Variants in HDHD5 observed in about 807,000 individuals in gnomAD.
HDHD5 encodes the protein haloacid dehalogenase like hydrolase domain containing 5.
Under a neutral mutation model 35.5 loss-of-function variants are expected in HDHD5, and 34 were observed. That is an observed-to-expected ratio of 0.96 (90% CI 0.73 to 1.28). The LOEUF (loss-of-function observed/expected upper bound fraction) is 1.28, where lower values mean the gene tolerates loss of function less well. Ranked by LOEUF, HDHD5 falls within the 50% of genes most tolerant of loss-of-function variation. The probability of loss-of-function intolerance (pLI) is 0.00; values close to 1 mark genes in which losing one functional copy is unlikely to be tolerated. For synonymous variants in HDHD5, 248 were observed against 240.6 expected, an observed-to-expected ratio of 1.03 and a Z score of -0.29; for missense variants, 589 against 560.2, an observed-to-expected ratio of 1.05 and a Z score of -0.52.
In HDHD5 at chr22:17,157,053, G is replaced by A. The variant is rs1030197986; in HGVS notation, c.126+2073C>T. ...AGATGGCGCCACTGCACTCCAGCCC[G>A]GGCAACAGAGCTAGACACCGTCTCA... On this transcript the variant is annotated intron_variant, in intron 1 of 7. Coordinates refer to ENST00000336737, the MANE Select transcript of HDHD5 (RefSeq NM_033070.3). Among the ~76,000 whole-genome samples the A allele has an allele frequency of 3.6e-5, 5 of 140,000 alleles. No homozygotes were observed. The East Asian group carries it at 8.3e-4, about 23-fold the overall frequency. 91.8% of individuals were successfully genotyped at this position (140,000 alleles called of 152,430 possible). A position where few individuals can be genotyped will look rare whatever the true frequency, so the allele number is the denominator to read the frequency against.
At chr22:17,145,909 C>T (rs1201855333) in intron 3 of HDHD5, among the ~76,000 whole-genome samples, 1 of 152,076 alleles carries the variant, frequency 6.6e-6, no homozygotes, top group African/African-American at 2.4e-5. Flanking sequence ...TGGGGAGGGG[C>T]AAGCCAGCTT....
rs1446038448 is a variant in HDHD5, at chr22:17,165,119, T to C, written c.36+90A>G. 8.3e-6 allele frequency: 6 copies of C among 719,050 alleles called. No individual in the cohort carries two copies. In the African/African-American group the frequency reaches 8.7e-5, roughly 10 times the overall value. The allele number at this position is 719,050 out of a possible 1,614,324, so 44.5% of individuals were successfully genotyped here. The stretch of plus-strand genomic sequence containing the variant: ...TTCTCTGTAGGGAAGGGATACATAT[T>C]TCCTACTAGTCATGTTTCCCTGAAA... On this transcript the variant is annotated intron_variant, in intron 1 of 7. Transcript: ENST00000155674.
chr22:17,147,930 A>T (rs1192200777), intron 3 of HDHD5, among the ~76,000 whole-genome samples: 1 of 152,226 alleles, frequency 6.6e-6, no homozygotes, highest in Non-Finnish European at 1.5e-5. Flanking sequence ...TCCCATTCAG[A>T]GTGTGCGGCA....
chr22:17,148,594 G>A, intron 2 of HDHD5, 34 bp from the exon 3 acceptor site: 1 of 1,499,864 alleles, frequency 6.7e-7, no homozygotes, highest in Non-Finnish European at 9.3e-7. Context: ...GAGGGCAGAG[G>A]AAGACAGAAC....
chr22:17,138,623 C>A lies in HDHD5; in HGVS notation c.862G>T (p.Ala288Ser). The A allele has an allele frequency of 6.2e-7, 1 of 1,614,248 alleles. No individual in the cohort carries two copies. The highest frequency in any genetic ancestry group is 1.1e-5 in the South Asian group (1 of 91,088). Residue 288 changes from alanine (A) to serine (S), a missense_variant, in exon 7 of 8, where the codon GCC (alanine) becomes TCC (serine). Coordinates refer to ENST00000336737, the MANE Select transcript of HDHD5 (RefSeq NM_033070.3). Reference protein sequence around the residue: ...GKPSILTYQYAEDLIRRQAER... With the variant: ...GKPSILTYQYSEDLIRRQAER... ...GCCTGTCGCCTGATCAGGTCCTCGG[C>A]ATACTGGTAAGTGAGGATGCTGGGT...
At chr22:17,144,918 C>T in intron 4 of HDHD5, 106 bp downstream of exon 4, 1 of 1,357,674 alleles carries the variant, frequency 7.4e-7, no homozygotes, top group Non-Finnish European at 1.0e-6. Context: ...GAAGCATGGA[C>T]AAATCACAGC....
chr22:17,155,231 C>CTTTTTT (rs539943001), intron 1 of HDHD5, among the ~76,000 whole-genome samples: 3 of 133,254 alleles, frequency 2.3e-5, no homozygotes, highest in African/African-American at 5.5e-5. Context: ...ATTTGCTTTC[C>CTTTTTT]TTTTTTTTTT....
At chr22:17,165,204 G>A (rs1395240022) in intron 1 of HDHD5, 1 of 777,256 alleles carries the variant, frequency 1.3e-6, no homozygotes. Context: ...GGAAACGTGA[G>A]TTACCTGAGA....
intron 3 of HDHD5, among the ~76,000 whole-genome samples, chr22:17,147,668 C>G (rs1335812030): frequency 6.8e-6 from 1 of 146,258 alleles, no homozygotes; most frequent in Non-Finnish European, 1.5e-5. Flanking sequence ...GTGGCACACT[C>G]CTGTGAGCTC....
At position 17,138,702 on chromosome 22, in the gene HDHD5, G is replaced by A. The variant is rs751262929; in HGVS notation, c.783C>T (p.Thr261=). Residue 261 remains threonine, a synonymous_variant, in exon 7 of 8, where the codon ACC becomes ACT. Transcript: ENST00000336737. ...GHGTFLLCLE[T]IYQKVTGKEL... The stretch of plus-strand genomic sequence containing the variant: ...CCTTGCCCGTCACTTTCTGGTAAAT[G>A]GTTTCCAGGCACAGCAGAAAGGTGC... The A allele has an allele frequency of 3.1e-5, 50 of 1,614,098 alleles. No individual in the cohort carries two copies. Among genetic ancestry groups the A allele is most frequent in the Non-Finnish European group, 4.2e-5 (50 of 1,180,056 alleles).
At chr22:17,143,027 T>G in intron 5 of HDHD5, 71 bp downstream of exon 5, 3 of 1,566,320 alleles carry the variant, frequency 1.9e-6, no homozygotes, top group African/African-American at 2.7e-5. Flanking sequence ...GCAGTCACAC[T>G]GAGACAGCCT....
At chr22:17,142,450 A>G (rs1209220257) in intron 5 of HDHD5, 1 of 152,262 alleles carries the variant, frequency 6.6e-6, no homozygotes, top group East Asian at 1.9e-4. Context: ...AAACTCTACC[A>G]AGAACTGTTA....
rs1297395239 is a variant in HDHD5 at position 17,148,501 on chromosome 22, A to G, written c.390T>C (p.His130=). 3 of 1,610,914 alleles carry G rather than the reference A, an allele frequency of 1.9e-6. No individual in the cohort carries two copies. The highest frequency in any genetic ancestry group is 2.7e-5 in the African/African-American group (2 of 74,838). ...GTCCAGACACCAGCATCCGCTTCTC[A>G]TGGTACTCGGAGAAGAGCTTCATGG... The part of the protein sequence containing the change: ...HSPMKLFSEY[H]EKRMLVSGQG... Residue 130 remains histidine (H), a synonymous_variant, in exon 3 of 8, where the codon CAT becomes CAC. Transcript: ENST00000336737.
At position 17,143,081 on chromosome 22, in the gene HDHD5, A is replaced by G; in HGVS notation, c.571+17T>C. ...GGAGAAAAGACCTCACAACTCATCA[A>G]AGAGGACCTCTCTTACCTTCAATGC... On this transcript the variant is annotated intron_variant, in intron 5 of 7. Transcript: ENST00000336737. The G allele has an allele frequency of 6.2e-7, 1 of 1,609,036 alleles. No homozygotes were observed. Among genetic ancestry groups the G allele is most frequent in the Non-Finnish European group, 8.5e-7 (1 of 1,177,924 alleles).
At chr22:17,139,551 G>A (rs1458266891) in intron 6 of HDHD5, among the ~76,000 whole-genome samples, 1 of 151,862 alleles carries the variant, frequency 6.6e-6, no homozygotes, top group African/African-American at 2.4e-5. Context: ...AACAAACTGG[G>A]GACGGTATTC....
intron 1 of HDHD5, 177 bp downstream of exon 1, chr22:17,158,949 G>T: frequency 2.0e-6 from 1 of 502,312 alleles, no homozygotes; most frequent in Non-Finnish European, 2.9e-6. Context: ...CGAGTCAGAG[G>T]AAGGCAGGGC....
chr22:17,159,793 C>T (rs1362383082), upstream of HDHD5: 2 of 282,502 alleles, frequency 7.1e-6, no homozygotes, highest in Admixed American at 6.0e-5. Context: ...GTGAGTCCGC[C>T]CCCGCGCGCA....
chr22:17,139,703 G>A (rs2061578315), intron 6 of HDHD5, among the ~76,000 whole-genome samples: 2 of 152,074 alleles, frequency 1.3e-5, no homozygotes, highest in Admixed American at 1.3e-4. Flanking sequence ...CCTCCGAGTA[G>A]CTGGGATTAC....
At chr22:17,159,296 C>A (rs543489830), upstream of HDHD5, 63 of 1,237,002 alleles carry the variant, frequency 5.1e-5, no homozygotes, top group South Asian at 3.0e-4. Context: ...GCCCCCCCCC[C>A]CCGCGAGTCC....
Sources: gnomAD v4.1 joint callset for allele counts (sites outside exome capture counted in the v4.1 genomes callset) on GRCh38, gnomAD v4.1.1 for gene constraint, MANE v1.5 for transcripts, NCBI Gene and HGNC (gene_info 2026-07-23, HGNC 2026-07-21) for gene names.